The following EGFLAM variants were observed in gnomAD, a reference collection of about 807,000 sequenced individuals.
EGFLAM encodes the protein EGF like, fibronectin type III and laminin G domains, also known as pikachurin.
A neutral mutation model predicts 113.1 loss-of-function variants in EGFLAM; 79 were observed. That is an observed-to-expected ratio of 0.70 (90% CI 0.58 to 0.84). EGFLAM has a LOEUF of 0.84. Among genes scored for constraint, EGFLAM ranks in the 40% least tolerant of loss-of-function variants. The probability of loss-of-function intolerance (pLI) is 0.00; values close to 1 mark genes in which losing one functional copy is unlikely to be tolerated. For missense variants in EGFLAM, 1,265 were observed against 1,291.6 expected (o/e 0.98, Z 0.32); for synonymous variants, 504 against 487.6 (o/e 1.03, Z -0.44).
In EGFLAM at chr5:38,381,378, G is replaced by A. The variant is rs928283425; in HGVS notation, c.712+10916G>A. Reference sequence around the variant, plus strand: ...CTTAACACAGACACATAGGAGGGACGCGGTGCATGCTGGCTGAGTTTGATG... The same window carrying A: ...CTTAACACAGACACATAGGAGGGACACGGTGCATGCTGGCTGAGTTTGATG... On this transcript the variant is annotated intron_variant, in intron 6 of 21. Coordinates refer to ENST00000322350, the MANE Select transcript of EGFLAM (RefSeq NM_152403.4). Among the ~76,000 whole-genome samples, 4 of 152,326 alleles carry A rather than the reference G, an allele frequency of 2.6e-5. 1 individual carries two copies. The South Asian group carries it at 8.3e-4, about 32-fold the overall frequency.
At chr5:38,318,165 A>C (rs1158133189) in intron 1 of EGFLAM, among the ~76,000 whole-genome samples, 1 of 152,052 alleles carries the variant, frequency 6.6e-6, no homozygotes, top group Non-Finnish European at 1.5e-5. Flanking sequence ...GTGATGAAAG[A>C]AAGAGGACCC....
intron 17 of EGFLAM, chr5:38,445,795 G>C: frequency 7.5e-7 from 1 of 1,340,030 alleles, no homozygotes; most frequent in Non-Finnish European, 1.1e-6. Context: ...AGTGGTGTGG[G>C]AGCTGGGACA....
chr5:38,461,579 A>C (rs1172192093), intron 20 of EGFLAM, among the ~76,000 whole-genome samples: 1 of 152,120 alleles, frequency 6.6e-6, no homozygotes, highest in African/African-American at 2.4e-5. Flanking sequence ...CACAGCATTC[A>C]GATACAGGAT....
intron 5 of EGFLAM, among the ~76,000 whole-genome samples, chr5:38,362,253 G>C (rs918382987): frequency 6.6e-6 from 1 of 152,148 alleles, no homozygotes; most frequent in East Asian, 1.9e-4. Context: ...TGACTAACTT[G>C]AAAGTTCCTA....
chr5:38,431,299 T>TA lies in EGFLAM; in HGVS notation c.2166+12dup, dbSNP rs1266073262. 6.2e-7 allele frequency: 1 copy of TA among 1,610,016 alleles called. No individual in the cohort carries two copies. Among genetic ancestry groups the TA allele is most frequent in the Non-Finnish European group, 8.5e-7 (1 of 1,176,702 alleles). Reference sequence around the variant, plus strand: ...GAGGGAATGGCAGAGGTAAGAACAGTACACCTTTTCTCTTGATGGTTAGTG... The same window carrying TA: ...GAGGGAATGGCAGAGGTAAGAACAGTAACACCTTTTCTCTTGATGGTTAGTG... On this transcript the variant is annotated intron_variant, in intron 15 of 21. Transcript: ENST00000322350.
intron 1 of EGFLAM, among the ~76,000 whole-genome samples, chr5:38,321,565 A>G (rs1428263): frequency 0.34 from 50,929 of 152,000 alleles, 9,819 homozygotes; most frequent in African/African-American, 0.53. Context: ...ACATAACTGC[A>G]TTGACTGACT....
chr5:38,363,943 C>T (rs1739993360), intron 5 of EGFLAM, among the ~76,000 whole-genome samples: 1 of 152,162 alleles, frequency 6.6e-6, no homozygotes, highest in African/African-American at 2.4e-5. Context: ...ATAAACAGTA[C>T]CTAAATGGGT....
At chr5:38,291,818 A>G (rs1447806158) in intron 1 of EGFLAM, among the ~76,000 whole-genome samples, 1 of 152,222 alleles carries the variant, frequency 6.6e-6, no homozygotes, top group African/African-American at 2.4e-5. Context: ...TGCACTTTTC[A>G]TAGTCTAAGA....
At chr5:38,273,150 G>A (rs1757806002) in intron 1 of EGFLAM, among the ~76,000 whole-genome samples, 1 of 152,106 alleles carries the variant, frequency 6.6e-6, no homozygotes, top group African/African-American at 2.4e-5. Context: ...CCCTTCCCCA[G>A]CAATAGGCAG....
chr5:38,425,494 C>A (rs957462586), intron 13 of EGFLAM, among the ~76,000 whole-genome samples: 5 of 152,114 alleles, frequency 3.3e-5, no homozygotes, highest in African/African-American at 1.2e-4. Flanking sequence ...ACAAATCTAA[C>A]AAAGCCCCAT....
intron 18 of EGFLAM, among the ~76,000 whole-genome samples, chr5:38,449,173 C>G (rs1281715165): frequency 6.6e-6 from 1 of 152,164 alleles, no homozygotes; most frequent in Non-Finnish European, 1.5e-5. Flanking sequence ...CCCACACAAT[C>G]ATTCTGGGAT....
intron 20 of EGFLAM, among the ~76,000 whole-genome samples, chr5:38,459,764 C>T (rs1227975687): frequency 8.1e-6 from 1 of 123,866 alleles, no homozygotes; most frequent in Non-Finnish European, 1.7e-5. Flanking sequence ...GCTGCTGGGC[C>T]CCCAACCCCT....
chr5:38,327,001 T>C (rs1738904082), intron 1 of EGFLAM, among the ~76,000 whole-genome samples: 1 of 151,794 alleles, frequency 6.6e-6, no homozygotes, highest in African/African-American at 2.4e-5. Flanking sequence ...TTTTACCATG[T>C]TGGCCAGGCT....
chr5:38,437,202 A>G (rs1579930606), intron 16 of EGFLAM, among the ~76,000 whole-genome samples: 1 of 152,194 alleles, frequency 6.6e-6, no homozygotes, highest in East Asian at 1.9e-4. Flanking sequence ...GAGCACCAGT[A>G]AATCCATGCA....
chr5:38,263,710 G>T (rs1254350365), intron 1 of EGFLAM, among the ~76,000 whole-genome samples: 3 of 152,132 alleles, frequency 2.0e-5, no homozygotes, highest in African/African-American at 7.2e-5. Context: ...TTAACCCGTG[G>T]CTGCAAAGAT....
At chr5:38,291,840 G>T (rs1186531083) in intron 1 of EGFLAM, among the ~76,000 whole-genome samples, 1 of 152,196 alleles carries the variant, frequency 6.6e-6, no homozygotes, top group Non-Finnish European at 1.5e-5. Flanking sequence ...AAATGGCATG[G>T]ACCGAAGAGG....
chr5:38,310,148 T>C (rs1196932376), intron 1 of EGFLAM, among the ~76,000 whole-genome samples: 1 of 152,252 alleles, frequency 6.6e-6, no homozygotes, highest in African/African-American at 2.4e-5. Flanking sequence ...CTTTCACATA[T>C]GTTTTTCTAG....
chr5:38,352,436 C>T (rs1287358069), intron 5 of EGFLAM, 105 bp downstream of exon 5: 4 of 1,466,254 alleles, frequency 2.7e-6, no homozygotes, highest in Non-Finnish European at 3.7e-6. Flanking sequence ...ATCACAAGGT[C>T]AGGAGTTCGA....
chr5:38,328,240 A>G (rs1738940078), intron 1 of EGFLAM, among the ~76,000 whole-genome samples: 2 of 152,130 alleles, frequency 1.3e-5, no homozygotes, highest in African/African-American at 4.8e-5. Context: ...AGTGCCTTAC[A>G]CTTTTATTAA....
Sources: allele counts gnomAD v4.1 joint callset (sites outside exome capture counted in the v4.1 genomes callset), GRCh38; gene constraint gnomAD v4.1.1; transcripts MANE v1.5; gene names NCBI Gene and HGNC (gene_info 2026-07-23, HGNC 2026-07-21).